The following UBE2E2 variants were observed in gnomAD, a reference collection of about 807,000 sequenced individuals.
UBE2E2 encodes the protein ubiquitin-conjugating enzyme E2 E2.
Under a neutral mutation model 24.7 loss-of-function variants are expected in UBE2E2, and 6 were observed. The ratio of observed to expected loss-of-function variants is 0.24; its 90% CI spans 0.13 to 0.48. The LOEUF (loss-of-function observed/expected upper bound fraction) is 0.48, where lower values mean the gene tolerates loss of function less well. UBE2E2 is among the 20% of genes least tolerant of loss of function. The probability of loss-of-function intolerance (pLI) is 0.99; values close to 1 mark genes in which losing one functional copy is unlikely to be tolerated. For synonymous variants in UBE2E2, 104 were observed against 83.6 expected (o/e 1.24, Z -1.33); for missense variants, 169 against 245.0 (o/e 0.69, Z 2.07).
At chr3:23,542,941 A>G (rs977693947) in intron 5 of UBE2E2, among the ~76,000 whole-genome samples, 6 of 152,172 alleles carry the variant, frequency 3.9e-5, no homozygotes, top group Non-Finnish European at 8.8e-5. Context: ...ATAAATGTCG[A>G]CATGGATTAG....
intron 3 of UBE2E2, among the ~76,000 whole-genome samples, chr3:23,373,996 G>A (rs1462670261): frequency 6.6e-6 from 1 of 151,978 alleles, no homozygotes; most frequent in African/African-American, 2.4e-5. Flanking sequence ...CTTTTGTCAG[G>A]GATTCTTGTT....
rs1695781444 is a variant in UBE2E2 at position 23,352,406 on chromosome 3, A to C, written c.227+135094A>C. On this transcript the variant is annotated intron_variant, in intron 3 of 5. Transcript: ENST00000396703. Reference sequence around the variant, plus strand: ...ATCAGAGCAGAACTGAAGGAAATAGAGACACAAAAAACCCTTCAAAAAAGT... The same window carrying C: ...ATCAGAGCAGAACTGAAGGAAATAGCGACACAAAAAACCCTTCAAAAAAGT... 2.0e-5 allele frequency among the ~76,000 whole-genome samples: 3 copies of C among 152,338 alleles called. No homozygotes were observed. In the South Asian group the frequency reaches 6.2e-4, roughly 32 times the overall value.
intron 3 of UBE2E2, among the ~76,000 whole-genome samples, chr3:23,253,716 A>G (rs146852368): frequency 6.6e-6 from 1 of 152,328 alleles, no homozygotes; most frequent in Non-Finnish European, 1.5e-5. Flanking sequence ...TAGCTGAGTA[A>G]ATTAGGATTA....
chr3:23,442,864 C>A (rs1340420822), intron 3 of UBE2E2, among the ~76,000 whole-genome samples: 1 of 152,116 alleles, frequency 6.6e-6, no homozygotes, highest in Non-Finnish European at 1.5e-5. Flanking sequence ...TGAAAAACTT[C>A]CTCCATCACT....
At chr3:23,524,349 T>C (rs540210969) in intron 4 of UBE2E2, among the ~76,000 whole-genome samples, 15 of 152,280 alleles carry the variant, frequency 9.9e-5, no homozygotes, top group African/African-American at 3.6e-4. Context: ...AACTAGTAAC[T>C]AGGGGATGTA....
At chr3:23,454,889 AT>A (rs974996810) in intron 3 of UBE2E2, among the ~76,000 whole-genome samples, 2 of 151,990 alleles carry the variant, frequency 1.3e-5, no homozygotes, top group Non-Finnish European at 2.9e-5. Context: ...AATGTTAGGA[AT>A]TTTTTTTGTC....
At chr3:23,581,903 TC>T (rs1423905861) in intron 5 of UBE2E2, among the ~76,000 whole-genome samples, 2 of 152,210 alleles carry the variant, frequency 1.3e-5, no homozygotes, top group Non-Finnish European at 2.9e-5. Flanking sequence ...CTGCTGCTTA[TC>T]CCTTTTAGTC....
intron 3 of UBE2E2, among the ~76,000 whole-genome samples, chr3:23,299,528 C>T (rs1218444692): frequency 6.6e-6 from 1 of 152,130 alleles, no homozygotes; most frequent in Admixed American, 6.6e-5. Context: ...TTTCTGCCTT[C>T]ATTTCGTTAT....
At chr3:23,387,888 G>A (rs1202982012) in intron 3 of UBE2E2, among the ~76,000 whole-genome samples, 2 of 152,104 alleles carry the variant, frequency 1.3e-5, no homozygotes, top group Non-Finnish European at 2.9e-5. Context: ...TGCTAGTGGG[G>A]TCACATCTAG....
rs1159317608 is a variant in UBE2E2 at position 23,546,591 on chromosome 3, A to G, written c.508+13890A>G. 4.1e-5 allele frequency among the ~76,000 whole-genome samples: 6 copies of G among 145,322 alleles called. No individual in the cohort carries two copies. In the East Asian group the frequency reaches 1.2e-3, roughly 29 times the overall value. ...CAGGTTCAAACAATTCTCTTGCCTC[A>G]GCCTCCCGAGTAGCTGAAATTACAG... is the stretch of plus-strand genomic sequence containing the variant. On this transcript the variant is annotated intron_variant, in intron 5 of 5. Transcript: ENST00000396703.
intron 3 of UBE2E2, among the ~76,000 whole-genome samples, chr3:23,300,329 A>C (rs1182222220): frequency 6.6e-6 from 1 of 152,114 alleles, no homozygotes; most frequent in Non-Finnish European, 1.5e-5. Flanking sequence ...TGTCATTATG[A>C]TGTTAGCTGG....
rs545904084 is a variant in UBE2E2 at position 23,308,640 on chromosome 3, C to T, written c.227+91328C>T. 5.3e-5 allele frequency among the ~76,000 whole-genome samples: 8 copies of T among 152,140 alleles called. No homozygotes were observed. The South Asian group carries it at 8.3e-4, about 16-fold the overall frequency. On this transcript the variant is annotated intron_variant, in intron 3 of 5. Coordinates refer to ENST00000396703, the MANE Select transcript of UBE2E2 (RefSeq NM_152653.4). ...TCTCAAAATTTGCTATGTTTTGGATCGCTTACAAGATTAGCTGAGTGTATT... is the reference window on the plus strand; with the variant it reads ...TCTCAAAATTTGCTATGTTTTGGATTGCTTACAAGATTAGCTGAGTGTATT...
At chr3:23,477,746 G>C (rs920113028) in intron 3 of UBE2E2, among the ~76,000 whole-genome samples, 1 of 152,002 alleles carries the variant, frequency 6.6e-6, no homozygotes, top group African/African-American at 2.4e-5. Flanking sequence ...ATGTACTTTG[G>C]CAGTGTCCCC....
Position 23,378,236 on chromosome 3 carries a change from TA to T in UBE2E2, c.228-121348del, listed in dbSNP as rs56808350. Among the ~76,000 whole-genome samples the T allele has an allele frequency of 7.3e-3, 861 of 118,008 alleles. 5 individuals are homozygous for T. Among genetic ancestry groups the T allele is most frequent in the African/African-American group, 0.025 (766 of 31,080 alleles). 77.4% of individuals were successfully genotyped at this position (118,008 alleles called of 152,430 possible). On this transcript the variant is annotated intron_variant, in intron 3 of 5. Transcript: ENST00000396703. ...CTCAAAGCCAACCACAAATAAGCAG[TA>T]AAAAAAAAAAAAAAAAAAAAAAATA...
At chr3:23,331,327 A>G (rs907663232) in intron 3 of UBE2E2, among the ~76,000 whole-genome samples, 1 of 152,220 alleles carries the variant, frequency 6.6e-6, no homozygotes, top group Non-Finnish European at 1.5e-5. Flanking sequence ...TAGGTGCCAG[A>G]GAGATAGTAA....
At chr3:23,571,018 A>G (rs1017694920) in intron 5 of UBE2E2, among the ~76,000 whole-genome samples, 1 of 152,148 alleles carries the variant, frequency 6.6e-6, no homozygotes, top group African/African-American at 2.4e-5. Context: ...TAAATGGATA[A>G]TTGGGACAAG....
At chr3:23,403,489 A>G (rs958601753) in intron 3 of UBE2E2, among the ~76,000 whole-genome samples, 9 of 152,204 alleles carry the variant, frequency 5.9e-5, no homozygotes, top group Non-Finnish European at 1.2e-4. Context: ...GAACTCTGTC[A>G]TCAGTGTTTT....
chr3:23,374,075 A>G (rs1377672316), intron 3 of UBE2E2, among the ~76,000 whole-genome samples: 1 of 152,202 alleles, frequency 6.6e-6, no homozygotes, highest in Non-Finnish European at 1.5e-5. Context: ...TAACCACCTA[A>G]TATTTTAAAA....
intron 4 of UBE2E2, among the ~76,000 whole-genome samples, chr3:23,515,799 G>GA (rs201490292): frequency 0.04 from 4,787 of 120,566 alleles, 121 homozygotes; most frequent in East Asian, 0.13. Flanking sequence ...TCTACAAAAA[G>GA]AAAAAAAAAA....
Sources: gnomAD v4.1 joint callset for allele counts (sites outside exome capture counted in the v4.1 genomes callset) on GRCh38, gnomAD v4.1.1 for gene constraint, MANE v1.5 for transcripts, NCBI Gene and HGNC (gene_info 2026-07-23, HGNC 2026-07-21) for gene names.